Variants in KCNQ5 observed in about 807,000 individuals in gnomAD.
KCNQ5 encodes the protein potassium voltage-gated channel subfamily Q member 5, also known as potassium voltage-gated channel subfamily KQT member 5.
A neutral mutation model predicts 98.2 loss-of-function variants in KCNQ5; 30 were observed. The observed-to-expected ratio is 0.31, with a 90% CI of 0.23 to 0.41. The LOEUF is 0.41. Among genes scored for constraint, KCNQ5 ranks in the 10% least tolerant of loss-of-function variants. The pLI is 1.00. For missense variants in KCNQ5, 835 were observed against 1,182.5 expected (o/e 0.71, Z 4.31); for synonymous variants, 458 against 449.4 (o/e 1.02, Z -0.24).
Position 73,077,804 on chromosome 6 carries a change from T to G in KCNQ5, c.835T>G (p.Phe279Val). The G allele has an allele frequency of 6.2e-7, 1 of 1,612,454 alleles. No individual in the cohort carries two copies. The highest frequency in any genetic ancestry group is 8.5e-7 in the Non-Finnish European group (1 of 1,178,708). The part of the protein sequence containing the change: ...AWYIGFLVLI[F>V]SSFLVYLVEK... Reference sequence around the variant, plus strand: ...GTACATAGGATTTTTGGTTCTTATTTTTTCGTCTTTCCTTGTCTATCTGGT... The same window carrying G: ...GTACATAGGATTTTTGGTTCTTATTGTTTCGTCTTTCCTTGTCTATCTGGT... The change falls in exon 5 of 14, where the codon TTT becomes GTT. Residue 279 changes from phenylalanine to valine, a missense_variant. Around this residue, in one of 10 missense-constraint regions of KCNQ5, gnomAD observed 30 missense variants for 132.9 expected, o/e 0.23. Transcript: ENST00000370398.
In KCNQ5 at chr6:73,195,421, C is replaced by T. The variant is rs1224851615; in HGVS notation, c.*7C>T. The T allele has an allele frequency of 1.2e-6, 2 of 1,608,272 alleles. No homozygotes were observed. The highest frequency in any genetic ancestry group is 1.7e-6 in the Non-Finnish European group (2 of 1,175,850). ...TCATGTCAAACTGAAATAAGTTCTT[C>T]ATTTTCTTTCCAGGCATAGCAGTTC... On this transcript the variant is annotated 3_prime_UTR_variant, in exon 14 of 14. Coordinates refer to ENST00000370398, the MANE Select transcript of KCNQ5 (RefSeq NM_019842.4).
intron 3 of KCNQ5, among the ~76,000 whole-genome samples, chr6:73,051,705 C>CAAAAAAAAAAAAA (rs201199934): frequency 1.2e-4 from 12 of 97,178 alleles, no homozygotes; most frequent in African/African-American, 4.5e-4. Flanking sequence ...AAGATAGAGG[C>CAAAAAAAAAAAAA]AAAAAAAAAA....
At chr6:72,754,616 G>A (rs1771863160) in intron 1 of KCNQ5, among the ~76,000 whole-genome samples, 1 of 152,014 alleles carries the variant, frequency 6.6e-6, no homozygotes, top group Non-Finnish European at 1.5e-5. Flanking sequence ...ACACAACAAA[G>A]AATTATCAGG....
intron 1 of KCNQ5, among the ~76,000 whole-genome samples, chr6:72,951,997 G>T (rs1766829606): frequency 6.6e-6 from 1 of 152,178 alleles, no homozygotes; most frequent in African/African-American, 2.4e-5. Flanking sequence ...TAGCTAGACA[G>T]AAACATTTGT....
chr6:72,826,908 C>T (rs1776024550), intron 1 of KCNQ5, among the ~76,000 whole-genome samples: 1 of 152,136 alleles, frequency 6.6e-6, no homozygotes, highest in Non-Finnish European at 1.5e-5. Flanking sequence ...CCAGTTTCCT[C>T]TGTTCTACTT....
chr6:73,084,056 A>G (rs1381311977), intron 5 of KCNQ5, among the ~76,000 whole-genome samples: 2 of 152,090 alleles, frequency 1.3e-5, no homozygotes, highest in African/African-American at 4.8e-5. Context: ...ATCCCCACCT[A>G]CCTAGCCCAT....
At chr6:72,722,548 A>G (rs965665341) in intron 1 of KCNQ5, among the ~76,000 whole-genome samples, 2 of 152,210 alleles carry the variant, frequency 1.3e-5, no homozygotes, top group East Asian at 1.9e-4. Context: ...CTTCATTTGT[A>G]TAAATCGCAT....
At chr6:72,743,236 C>T (rs1182895183) in intron 1 of KCNQ5, among the ~76,000 whole-genome samples, 4 of 151,886 alleles carry the variant, frequency 2.6e-5, no homozygotes, top group Non-Finnish European at 5.9e-5. Flanking sequence ...ATATAAATAA[C>T]AGCATTAATA....
At chr6:72,658,574 ATATATT>A (rs1416339573) in intron 1 of KCNQ5, among the ~76,000 whole-genome samples, 93 of 65,456 alleles carry the variant, frequency 1.4e-3, no homozygotes, top group African/African-American at 5.8e-3. Context: ...ATATATATAT[ATATATT>A]TTTTTTTTTT....
intron 1 of KCNQ5, among the ~76,000 whole-genome samples, chr6:72,708,547 G>C (rs1423674508): frequency 6.6e-6 from 1 of 152,256 alleles, no homozygotes; most frequent in East Asian, 1.9e-4. Context: ...CGGGGACAGG[G>C]TCTCACTCTG....
chr6:72,923,564 T>A (rs559213559), intron 1 of KCNQ5, among the ~76,000 whole-genome samples: 18 of 152,302 alleles, frequency 1.2e-4, no homozygotes, highest in African/African-American at 4.3e-4. Flanking sequence ...CCTTTGCCCA[T>A]TTGTTGCAGT....
chr6:72,874,135 GA>G, intron 1 of KCNQ5, among the ~76,000 whole-genome samples: 1 of 151,946 alleles, frequency 6.6e-6, no homozygotes, highest in Non-Finnish European at 1.5e-5. Context: ...TAAGCTAAAT[GA>G]GAATGCCCTT....
At chr6:72,924,278 A>G (rs1396931368) in intron 1 of KCNQ5, among the ~76,000 whole-genome samples, 2 of 152,180 alleles carry the variant, frequency 1.3e-5, no homozygotes, top group Non-Finnish European at 1.5e-5. Context: ...TGAAGAACAG[A>G]TTTCAAAATA....
intron 1 of KCNQ5, among the ~76,000 whole-genome samples, chr6:72,797,458 T>C (rs534122947): frequency 1.3e-4 from 19 of 146,360 alleles, no homozygotes; most frequent in African/African-American, 4.9e-4. Flanking sequence ...TGAGCAGTGA[T>C]CACTCCACTG....
chr6:72,763,741 G>T (rs1255453738), intron 1 of KCNQ5, among the ~76,000 whole-genome samples: 1 of 151,986 alleles, frequency 6.6e-6, no homozygotes, highest in African/African-American at 2.4e-5. Context: ...GAAAGGGAAA[G>T]CCTAAAGAGG....
intron 1 of KCNQ5, among the ~76,000 whole-genome samples, chr6:72,922,369 T>G (rs113106439): frequency 0.014 from 2,124 of 152,312 alleles, 48 homozygotes; most frequent in African/African-American, 0.049. Flanking sequence ...TTGAAATGAC[T>G]AAATCAAGAT....
rs73539716 is a variant in KCNQ5, at chr6:72,733,867, A to G, written c.398+111280A>G. 7.7e-3 allele frequency among the ~76,000 whole-genome samples: 1,176 copies of G among 152,258 alleles called. 12 individuals are homozygous for G. The highest frequency in any genetic ancestry group is 0.027 in the African/African-American group (1,109 of 41,552). ...ATGAGGCTGAAGATTTGGAATTTGT[A>G]CTTCCTCCAGTCCACGTGGCTATGT... On this transcript the variant is annotated intron_variant, in intron 1 of 13. Transcript: ENST00000370398.
intron 1 of KCNQ5, among the ~76,000 whole-genome samples, chr6:72,624,727 T>C (rs956880756): frequency 2.0e-5 from 3 of 152,218 alleles, no homozygotes; most frequent in African/African-American, 7.2e-5. Flanking sequence ...TTTTAGAGTC[T>C]GAAACTGCAA....
At chr6:72,696,610 ACAAT>A (rs71690067) in intron 1 of KCNQ5, among the ~76,000 whole-genome samples, 1,927 of 152,302 alleles carry the variant, frequency 0.013, 40 homozygotes, top group African/African-American at 0.044. Context: ...TTAGTGGGCC[ACAAT>A]CAAAGAACTC....
Sources: gnomAD v4.1 joint callset for allele counts (sites outside exome capture counted in the v4.1 genomes callset) on GRCh38, gnomAD v4.1.1 for gene constraint, gnomAD v4.1.1 regional missense constraint, MANE v1.5 for transcripts, NCBI Gene and HGNC (gene_info 2026-07-23, HGNC 2026-07-21) for gene names.